ABCB5: variants seen among roughly 807,000 people sequenced by gnomAD.
The protein encoded by ABCB5 is ATP-binding cassette sub-family B member 5.
ABCB5 carries 155 observed loss-of-function variants against 144.2 expected under a neutral mutation model. The observed-to-expected ratio is 1.08, with a 90% CI of 0.94 to 1.23. ABCB5 has a LOEUF of 1.23. ABCB5 is among the 50% of genes most tolerant of loss of function. The probability of loss-of-function intolerance (pLI) is 0.00; values close to 1 mark genes in which losing one functional copy is unlikely to be tolerated. For missense variants in ABCB5, 1,830 were observed against 1,520.8 expected (o/e 1.20, Z -3.38); for synonymous variants, 610 against 528.6 (o/e 1.15, Z -2.11).
At chr7:20,649,990 T>G in intron 11 of ABCB5, 32 bp from the exon 12 acceptor site, 1 of 1,588,908 alleles carries the variant, frequency 6.3e-7, no homozygotes, top group Non-Finnish European at 8.6e-7. Flanking sequence ...CTTATTGTGG[T>G]TTTATGATTT....
intron 22 of ABCB5, among the ~76,000 whole-genome samples, chr7:20,727,690 T>C (rs1195665382): frequency 6.6e-6 from 1 of 152,132 alleles, no homozygotes; most frequent in Admixed American, 6.6e-5. Flanking sequence ...GCTGAGATCA[T>C]GCCATTACAC....
At chr7:20,699,651 A>C (rs1786544837) in intron 17 of ABCB5, among the ~76,000 whole-genome samples, 174 bp from the exon 18 acceptor site, 1 of 152,264 alleles carries the variant, frequency 6.6e-6, no homozygotes, top group South Asian at 2.1e-4. Context: ...CATTGAGCCA[A>C]GACTGAGATC....
chr7:20,682,836 C>G (rs931255609), intron 15 of ABCB5, among the ~76,000 whole-genome samples: 1 of 152,158 alleles, frequency 6.6e-6, no homozygotes, highest in South Asian at 2.1e-4. Context: ...TGGAGGCACA[C>G]GGCAAATTCC....
chr7:20,643,508 T>G lies in ABCB5; in HGVS notation c.554T>G (p.Leu185Trp). ...GGTATTGGAGATAAGATTGCTCTGT[T>G]GTTTCAAAACATGTCTACTTTTTCG... ...SDGIGDKIAL[L>W]FQNMSTFSIG... The change falls in exon 7 of 28, where the codon TTG (leucine) becomes TGG (tryptophan). Residue 185 changes from leucine to tryptophan, a missense_variant. Leu to Trp is a moderately conservative substitution (Grantham distance 61). Transcript: ENST00000404938. 6.2e-7 allele frequency: 1 copy of G among 1,614,062 alleles called. No individual in the cohort carries two copies. The highest frequency in any genetic ancestry group is 1.6e-4 in the Middle Eastern group (1 of 6,062).
rs574083952 is a variant in ABCB5, at chr7:20,684,776, G to T, written c.1870-920G>T. ...TTGTCCCTTTAAATGACTGATTACAGTTGTTAGGCTTATCAAAGAATCACC... is the reference window on the plus strand; with the variant it reads ...TTGTCCCTTTAAATGACTGATTACATTTGTTAGGCTTATCAAAGAATCACC... On this transcript the variant is annotated intron_variant, in intron 15 of 27. Transcript: ENST00000404938. 5.3e-5 allele frequency among the ~76,000 whole-genome samples: 8 copies of T among 152,312 alleles called. No individual in the cohort carries two copies. The East Asian group carries it at 1.5e-3, about 29-fold the overall frequency.
At chr7:20,649,907 A>T (rs1032657653) in intron 11 of ABCB5, 115 bp from the exon 12 acceptor site, 2 of 1,157,648 alleles carry the variant, frequency 1.7e-6, no homozygotes, top group Non-Finnish European at 2.4e-6. Flanking sequence ...AACAAGATCT[A>T]AATTTGTTTT....
intron 25 of ABCB5, 34 bp from the exon 26 acceptor site, chr7:20,745,198 C>A (rs747114639): frequency 5.0e-6 from 8 of 1,599,600 alleles, no homozygotes; most frequent in Non-Finnish European, 6.9e-6. Flanking sequence ...GTTGTGTGAT[C>A]TTAACACACC....
At chr7:20,697,523 A>G (rs955415401) in intron 16 of ABCB5, among the ~76,000 whole-genome samples, 1 of 152,226 alleles carries the variant, frequency 6.6e-6, no homozygotes, top group Admixed American at 6.5e-5. Context: ...TGCAGACAAG[A>G]GCCAAGAGAG....
At chr7:20,661,652 A>G (rs1785008006) in intron 14 of ABCB5, among the ~76,000 whole-genome samples, 1 of 150,160 alleles carries the variant, frequency 6.7e-6, no homozygotes, top group Admixed American at 6.7e-5. Flanking sequence ...ATCCTGCCTC[A>G]GGCTCCTGAG....
intron 14 of ABCB5, among the ~76,000 whole-genome samples, chr7:20,677,019 C>A (rs544564686): frequency 7.9e-5 from 12 of 152,150 alleles, no homozygotes; most frequent in African/African-American, 2.9e-4. Context: ...TAGTTAATTA[C>A]CTTGTAATGT....
At position 20,712,010 on chromosome 7, in the gene ABCB5, C is replaced by T. The variant is rs1039999212; in HGVS notation, c.2421+7203C>T. Among the ~76,000 whole-genome samples, 8 of 143,374 alleles carry T rather than the reference C, an allele frequency of 5.6e-5. 1 individual carries two copies. Among genetic ancestry groups the T allele is most frequent in the South Asian group, 4.5e-4 (2 of 4,400 alleles). 94.1% of individuals were successfully genotyped at this position (143,374 alleles called of 152,430 possible). ...ATCCCAGCACTTTGGGAGGCCGAGG[C>T]GGGTGGACCACGAGGTCAGGAGATT... On this transcript the variant is annotated intron_variant, in intron 20 of 27. Transcript: ENST00000404938.
Position 20,687,847 on chromosome 7 carries a change from T to C in ABCB5, c.2010+2011T>C, listed in dbSNP as rs146673026. ...CTGCAGTGAGCTATGATCATGCCACTGTACCCCAGCCTGACTGACAGAGCA... is the reference window on the plus strand; with the variant it reads ...CTGCAGTGAGCTATGATCATGCCACCGTACCCCAGCCTGACTGACAGAGCA... On this transcript the variant is annotated intron_variant, in intron 16 of 27. Transcript: ENST00000404938. Among the ~76,000 whole-genome samples, 1,438 of 152,262 alleles carry C rather than the reference T, an allele frequency of 9.4e-3. 8 individuals are homozygous for C. The highest frequency in any genetic ancestry group is 0.015 in the Non-Finnish European group (1,003 of 68,024).
intron 20 of ABCB5, among the ~76,000 whole-genome samples, chr7:20,706,315 A>G (rs1197027721): frequency 6.6e-6 from 1 of 152,216 alleles, no homozygotes; most frequent in Non-Finnish European, 1.5e-5. Context: ...CTTACTACTT[A>G]TATTTCAAAT....
chr7:20,754,745 A>G (rs1289250757), intron 27 of ABCB5, among the ~76,000 whole-genome samples: 1 of 152,220 alleles, frequency 6.6e-6, no homozygotes, highest in Non-Finnish European at 1.5e-5. Flanking sequence ...GTTTAGAACT[A>G]CTCAAAGAAA....
chr7:20,667,159 T>C, intron 14 of ABCB5: 1 of 860,590 alleles, frequency 1.2e-6, no homozygotes, highest in Non-Finnish European at 1.4e-6. Flanking sequence ...CTGTGATTTA[T>C]TTGATGCACT....
intron 14 of ABCB5, among the ~76,000 whole-genome samples, chr7:20,662,480 A>C (rs1211778522): frequency 1.3e-5 from 2 of 152,108 alleles, no homozygotes; most frequent in African/African-American, 2.4e-5. Flanking sequence ...TTTACACACA[A>C]ACACACACAC....
At chr7:20,691,871 T>G (rs1421478234) in intron 16 of ABCB5, among the ~76,000 whole-genome samples, 2 of 151,904 alleles carry the variant, frequency 1.3e-5, no homozygotes, top group Non-Finnish European at 2.9e-5. Flanking sequence ...GTTTAAAATT[T>G]ACAATGTCTG....
chr7:20,689,988 A>G (rs1786160484), intron 16 of ABCB5, among the ~76,000 whole-genome samples: 1 of 152,158 alleles, frequency 6.6e-6, no homozygotes, highest in Non-Finnish European at 1.5e-5. Context: ...CGGTTCATGC[A>G]GGGCCTCTTA....
intron 14 of ABCB5, among the ~76,000 whole-genome samples, chr7:20,662,294 C>A (rs560450643): frequency 6.6e-6 from 1 of 152,300 alleles, no homozygotes; most frequent in Admixed American, 6.5e-5. Flanking sequence ...CATCACTGTG[C>A]TTTCTCCCTA....
Sources: gnomAD v4.1 joint callset for allele counts (sites outside exome capture counted in the v4.1 genomes callset) on GRCh38, gnomAD v4.1.1 for gene constraint, MANE v1.5 for transcripts, NCBI Gene and HGNC (gene_info 2026-07-23, HGNC 2026-07-21) for gene names.